Variants in ELAPOR2 observed in about 807,000 individuals in gnomAD.
The protein encoded by ELAPOR2 is endosome/lysosome-associated apoptosis and autophagy regulator family member 2.
Under a neutral mutation model 120.7 loss-of-function variants are expected in ELAPOR2, and 89 were observed. The ratio of observed to expected loss-of-function variants is 0.74; its 90% CI spans 0.62 to 0.88. The LOEUF (loss-of-function observed/expected upper bound fraction) is 0.88, where lower values mean the gene tolerates loss of function less well. ELAPOR2 is among the 40% of genes least tolerant of loss of function. The pLI is 0.00. For missense variants in ELAPOR2, 1,134 were observed against 1,251.6 expected, an observed-to-expected ratio of 0.91 and a Z score of 1.42; for synonymous variants, 444 against 444.9, an observed-to-expected ratio of 1.00 and a Z score of 0.03.
chr7:86,911,881 C>T lies in ELAPOR2; in HGVS notation c.2169+191G>A, dbSNP rs1276791094. On this transcript the variant is annotated intron_variant, in intron 15 of 21. Transcript: ENST00000450689. ...ATAAGTGATTTGATACACTGAGAAC[C>T]AGACAAGGTTGCCCCTGGTGGAGAA... The T allele has an allele frequency of 4.9e-6, 3 of 612,620 alleles. No individual in the cohort carries two copies. In the East Asian group the frequency reaches 8.5e-5, roughly 17 times the overall value. The allele number at this position is 612,620 out of a possible 1,614,324, so 37.9% of individuals were successfully genotyped here.
intron 8 of ELAPOR2, among the ~76,000 whole-genome samples, chr7:86,932,103 A>C (rs186127257): frequency 5.8e-4 from 88 of 152,004 alleles, no homozygotes; most frequent in Non-Finnish European, 9.9e-4. Flanking sequence ...AAGCAAGGCC[A>C]ATCAGAGTCT....
intron 1 of ELAPOR2, among the ~76,000 whole-genome samples, chr7:87,001,799 G>A (rs1040163247): frequency 9.9e-5 from 15 of 152,086 alleles, no homozygotes; most frequent in African/African-American, 3.6e-4. Flanking sequence ...GAAATGTATA[G>A]CCAAGAAACC....
chr7:86,956,013 G>A (rs1419050461), intron 2 of ELAPOR2, among the ~76,000 whole-genome samples: 2 of 150,208 alleles, frequency 1.3e-5, no homozygotes, highest in African/African-American at 2.4e-5. Context: ...AATAAAAGGG[G>A]AAAAAAAAAG....
At chr7:87,027,559 T>C (rs1025343961) in intron 1 of ELAPOR2, among the ~76,000 whole-genome samples, 1 of 152,136 alleles carries the variant, frequency 6.6e-6, no homozygotes, top group African/African-American at 2.4e-5. Context: ...GCAGAAGCAA[T>C]AGACTTAAAA....
chr7:86,891,122 T>A (rs1788138718), intron 21 of ELAPOR2: 1 of 152,078 alleles, frequency 6.6e-6, no homozygotes, highest in African/African-American at 2.4e-5. Context: ...TTACCTCACA[T>A]ACCTCAATAA....
intron 1 of ELAPOR2, among the ~76,000 whole-genome samples, chr7:87,048,769 G>C (rs1163160526): frequency 6.6e-6 from 1 of 151,990 alleles, no homozygotes; most frequent in Non-Finnish European, 1.5e-5. Context: ...ACCCACAAAA[G>C]TTAAAAATTA....
chr7:87,056,836 G>A (rs1795278510), intron 1 of ELAPOR2, among the ~76,000 whole-genome samples: 1 of 152,156 alleles, frequency 6.6e-6, no homozygotes, highest in Non-Finnish European at 1.5e-5. Flanking sequence ...CAGAGTTTAT[G>A]TAACTTTGTT....
At chr7:86,937,311 G>T (rs1237931869) in intron 8 of ELAPOR2, among the ~76,000 whole-genome samples, 1 of 151,872 alleles carries the variant, frequency 6.6e-6, no homozygotes, top group Non-Finnish European at 1.5e-5. Context: ...TAGAATCTAG[G>T]GATGCAAAAA....
Position 86,938,904 on chromosome 7 carries a change from G to T in ELAPOR2, c.904C>A (p.Pro302Thr). ...PCKPGTFSNK[P>T]GSFNCQVCPR... ...CACACCTGGCAGTTGAATGAACCTG[G>T]TTTGTTGCTGAATGTGCCTGGCTTG... Residue 302 changes from proline (P) to threonine (T), a missense_variant, in exon 7 of 22, where the codon CCA (proline) becomes ACA (threonine). Coordinates refer to ENST00000450689, the MANE Select transcript of ELAPOR2 (RefSeq NM_001142749.3). The T allele has an allele frequency of 6.2e-7, 1 of 1,613,310 alleles. No homozygotes were observed.
Position 86,897,614 on chromosome 7 carries a change from G to C in ELAPOR2, c.2577C>G (p.Thr859=). ...GGAAATAGAACGTACACCCATCACA[G>C]GTACCTGCTGGGCACTTGCTAAAAT... ...ISVPSKCPAG[T]CDGCTFYFLW... Residue 859 remains threonine, a synonymous_variant, in exon 19 of 22, where the codon ACC becomes ACG. Coordinates refer to ENST00000450689, the MANE Select transcript of ELAPOR2 (RefSeq NM_001142749.3). 1 of 1,613,202 alleles carries C rather than the reference G, an allele frequency of 6.2e-7. No homozygotes were observed. Among genetic ancestry groups the C allele is most frequent in the Non-Finnish European group, 8.5e-7 (1 of 1,179,452 alleles).
intron 1 of ELAPOR2, among the ~76,000 whole-genome samples, chr7:86,982,443 C>T (rs942206530): frequency 6.6e-6 from 1 of 152,202 alleles, no homozygotes; most frequent in Non-Finnish European, 1.5e-5. Context: ...GTGGGTGCCC[C>T]TCTGGGATGA....
chr7:86,883,112 A>G (rs918405620), intron 21 of ELAPOR2, among the ~76,000 whole-genome samples: 2 of 151,814 alleles, frequency 1.3e-5, no homozygotes, highest in African/African-American at 4.8e-5. Context: ...GAGTTGAGAA[A>G]TTGTGTCTAA....
rs1788499604 is a variant in ELAPOR2, at chr7:86,897,579, C to T, written c.2612G>A (p.Ser871Asn). ...DGCTFYFLWE[S>N]AEACPLCTEH... ...CGTACACAGAGGGCAAGCTTCAGCA[C>T]TCTCCCACAGGAAATAGAACGTACA... The change falls in exon 19 of 22, where the codon AGT becomes AAT. Residue 871 changes from serine (S) to asparagine (N), a missense_variant. By Grantham distance (46) the Ser-to-Asn change is conservative. Transcript: ENST00000450689. 6.2e-7 allele frequency: 1 copy of T among 1,613,348 alleles called. No individual in the cohort carries two copies. The highest frequency in any genetic ancestry group is 8.5e-7 in the Non-Finnish European group (1 of 1,179,524).
intron 8 of ELAPOR2, among the ~76,000 whole-genome samples, chr7:86,935,961 G>T (rs1192379993): frequency 6.6e-6 from 1 of 151,912 alleles, no homozygotes; most frequent in Non-Finnish European, 1.5e-5. Flanking sequence ...TTTAAACTAA[G>T]ATTCAAAATA....
At chr7:86,909,369 G>T (rs1037704413) in intron 16 of ELAPOR2, among the ~76,000 whole-genome samples, 19 of 152,004 alleles carry the variant, frequency 1.2e-4, no homozygotes, top group Non-Finnish European at 1.6e-4. Context: ...GAGACAAAAA[G>T]GGAACATGAG....
chr7:86,882,797 G>A (rs1203490875), intron 21 of ELAPOR2, among the ~76,000 whole-genome samples: 1 of 152,042 alleles, frequency 6.6e-6, no homozygotes, highest in East Asian at 1.9e-4. Flanking sequence ...AACCCCTTTG[G>A]ACAAATAAGT....
At chr7:86,899,811 G>A (rs962217662) in intron 18 of ELAPOR2, among the ~76,000 whole-genome samples, 1 of 151,850 alleles carries the variant, frequency 6.6e-6, no homozygotes, top group African/African-American at 2.4e-5. Context: ...TAGTGACTCT[G>A]GGGAAAATGG....
intron 18 of ELAPOR2, among the ~76,000 whole-genome samples, chr7:86,900,582 G>A (rs768394765): frequency 1.4e-4 from 21 of 152,116 alleles, no homozygotes; most frequent in Non-Finnish European, 2.9e-4. Context: ...CTGCTGTTAG[G>A]TGTCAAAACA....
At chr7:87,001,574 C>T (rs1189824871) in intron 1 of ELAPOR2, among the ~76,000 whole-genome samples, 1 of 152,090 alleles carries the variant, frequency 6.6e-6, no homozygotes, top group Non-Finnish European at 1.5e-5. Context: ...GCAAAGCCAA[C>T]AAGTAGGATC....
Sources: allele counts gnomAD v4.1 joint callset (sites outside exome capture counted in the v4.1 genomes callset), GRCh38; gene constraint gnomAD v4.1.1; transcripts MANE v1.5; gene names NCBI Gene and HGNC (gene_info 2026-07-23, HGNC 2026-07-21).